The following LRRK2 variants were observed in gnomAD, a reference collection of about 807,000 sequenced individuals.
The protein encoded by LRRK2 is leucine rich repeat kinase 2.
In LRRK2, 203 loss-of-function variants were observed where a neutral mutation model predicts 302.6. The ratio of observed to expected loss-of-function variants is 0.67; its 90% CI spans 0.60 to 0.75. The LOEUF is 0.75. Ranked by LOEUF, LRRK2 falls within the 30% of genes least tolerant of loss-of-function variation. LRRK2 has a pLI of 0.00. For missense variants in LRRK2, 2,830 were observed against 2,951.0 expected, an observed-to-expected ratio of 0.96 and a Z score of 0.95; for synonymous variants, 1,066 against 1,031.9, an observed-to-expected ratio of 1.03 and a Z score of -0.63.
At chr12:40,258,119 TG>T (rs1273521338) in intron 12 of LRRK2, among the ~76,000 whole-genome samples, 5 of 152,212 alleles carry the variant, frequency 3.3e-5, no homozygotes, top group African/African-American at 1.2e-4. Context: ...CTTTGAAAGT[TG>T]TAAGCTTAGA....
intron 24 of LRRK2, among the ~76,000 whole-genome samples, chr12:40,298,816 A>AT (rs1184761747): frequency 5.4e-5 from 5 of 91,946 alleles, no homozygotes; most frequent in South Asian, 7.9e-4. Context: ...GTATTATAAT[A>AT]TATAATACAT....
chr12:40,265,294 C>T (rs11175780), intron 14 of LRRK2, among the ~76,000 whole-genome samples: 15,928 of 152,052 alleles, frequency 0.1, 1,056 homozygotes, highest in Middle Eastern at 0.13. Flanking sequence ...TCTCATAAGC[C>T]GGTTGTTGAT....
intron 39 of LRRK2, among the ~76,000 whole-genome samples, chr12:40,333,831 G>A (rs1945788255): frequency 6.6e-6 from 1 of 152,090 alleles, no homozygotes; most frequent in South Asian, 2.1e-4. Context: ...TCTAGGGAAA[G>A]GGGTCAGCAC....
At position 40,235,549 on chromosome 12, in the gene LRRK2, G is replaced by T. The variant is rs572844007; in HGVS notation, c.348-77G>T. ...ACAATGAGAGTAATAAAAAATAGGT[G>T]AGCAAAAAAAATGCAAATAAGCAAA... On this transcript the variant is annotated intron_variant, in intron 3 of 50. Transcript: ENST00000298910. The T allele has an allele frequency of 2.8e-4, 264 of 938,838 alleles. 3 individuals carry two copies. The South Asian group carries it at 3.4e-3, about 12-fold the overall frequency. The allele number at this position is 938,838 out of a possible 1,614,324, so 58.2% of individuals were successfully genotyped here. A position where few individuals can be genotyped will look rare whatever the true frequency, so the allele number is the denominator to read the frequency against.
chr12:40,295,420 A>G lies in LRRK2; in HGVS notation c.2879-7A>G. The G allele has an allele frequency of 1.2e-6, 2 of 1,610,306 alleles. No homozygotes were observed. The highest frequency in any genetic ancestry group is 1.7e-6 in the Non-Finnish European group (2 of 1,179,252). On this transcript the variant is annotated splice_region_variant and splice_polypyrimidine_tract_variant and intron_variant, in intron 22 of 50. Coordinates refer to ENST00000298910, the MANE Select transcript of LRRK2 (RefSeq NM_198578.4). Reference sequence around the variant, plus strand: ...TATTTCCATTGTTTGTTTGTTTTTGACAAAAGGGTCATCAAAACTTCAATC... The same window carrying G: ...TATTTCCATTGTTTGTTTGTTTTTGGCAAAAGGGTCATCAAAACTTCAATC...
chr12:40,246,764 C>G (rs751138395), intron 7 of LRRK2, among the ~76,000 whole-genome samples: 1 of 152,114 alleles, frequency 6.6e-6, no homozygotes, highest in African/African-American at 2.4e-5. Context: ...TGAGACCTTA[C>G]CTTGCAGAGA....
In LRRK2 at chr12:40,240,609, C is replaced by A. The variant is rs377217716; in HGVS notation, c.698C>A (p.Ala233Glu). ...LHVLHCLHSL[A>E]IPCNNVEVLM... is the part of the protein sequence containing the mutation. ...GTGCTGCATTGTTTACATTCCCTAG[C>A]GATTCCTTGTAAGTAGCATTTAAAT... The change falls in exon 6 of 51, where the codon GCG (alanine) becomes GAG (glutamate). Residue 233 changes from alanine (A) to glutamate (E), a missense_variant. Transcript: ENST00000298910. The A allele has an allele frequency of 1.2e-6, 2 of 1,612,930 alleles. No homozygotes were observed. The highest frequency in any genetic ancestry group is 2.2e-5 in the East Asian group (1 of 44,772).
intron 25 of LRRK2, among the ~76,000 whole-genome samples, chr12:40,301,509 A>G (rs1296553258): frequency 6.6e-6 from 1 of 152,076 alleles, no homozygotes; most frequent in African/African-American, 2.4e-5. Flanking sequence ...AGCATATGAA[A>G]CTCAAGACTC....
Position 40,278,168 on chromosome 12 carries a change from GT to G in LRRK2, c.2149del (p.Cys717ValfsTer28). 1 of 1,614,092 alleles carries G rather than the reference GT, an allele frequency of 6.2e-7. No homozygotes were observed. The highest frequency in any genetic ancestry group is 8.5e-7 in the Non-Finnish European group (1 of 1,179,994). On this transcript the variant is annotated frameshift_variant, in exon 18 of 51. Coordinates refer to ENST00000298910, the MANE Select transcript of LRRK2 (RefSeq NM_198578.4). LOFTEE classifies it high-confidence loss of function. ...YLKNVMLERA[C>X]DQNNSIMVEC... ...TAAAAAATGTGATGCTAGAGAGAGC[GT>G]GTGATCAGAATAACAGCATCATGGT...
chr12:40,284,097 T>C lies in LRRK2; in HGVS notation c.2464T>C (p.Phe822Leu). The C allele has an allele frequency of 1.2e-6, 2 of 1,612,432 alleles. No individual in the cohort carries two copies. Among genetic ancestry groups the C allele is most frequent in the East Asian group, 2.2e-5 (1 of 44,818 alleles). ...KVEPSWLGPL[F>L]PDKTSNLRKQ... ...TGAACCTTCTTGGCTTGGTCCTTTA[T>C]TTCCAGATAAGACTTCTAATTTAAG... Residue 822 changes from phenylalanine to leucine, a missense_variant, in exon 19 of 51, where the codon TTT (phenylalanine) becomes CTT (leucine). By Grantham distance (22) the Phe-to-Leu change is conservative. Transcript: ENST00000298910.
chr12:40,306,038 A>T (rs1592262470), intron 28 of LRRK2, 72 bp downstream of exon 28: 2 of 1,153,822 alleles, frequency 1.7e-6, no homozygotes, highest in East Asian at 5.0e-5. Flanking sequence ...ACTTTGATGG[A>T]CATATATTGT....
In LRRK2 at chr12:40,366,994, G is replaced by GT. The variant is rs748660272; in HGVS notation, c.7391-7dup. 1.5e-5 allele frequency: 24 copies of GT among 1,601,750 alleles called. 1 individual carries two copies. In the Admixed American group the frequency reaches 4.0e-4, roughly 27 times the overall value. ...TTTTAACAGAAAACTTACATATTTTGTTTTTGTAAAGGAAGCCTTAAAAAT... is the reference window on the plus strand; with the variant it reads ...TTTTAACAGAAAACTTACATATTTTGTTTTTTGTAAAGGAAGCCTTAAAAAT... On this transcript the variant is annotated splice_polypyrimidine_tract_variant and intron_variant, in intron 49 of 50. Coordinates refer to ENST00000298910, the MANE Select transcript of LRRK2 (RefSeq NM_198578.4).
chr12:40,305,776 C>T lies in LRRK2; in HGVS notation c.3778-9C>T, dbSNP rs114948984. On this transcript the variant is annotated splice_polypyrimidine_tract_variant and intron_variant, in intron 27 of 50. Transcript: ENST00000298910. ...ACCAACAGGTTTTGCCCTTTTTTTT[C>T]CCATTAAGATTCCTCCTGAGATTGG... 2.4e-3 allele frequency: 3,813 copies of T among 1,612,482 alleles called. 91 individuals carry two copies. The African/African-American group carries it at 0.046, about 19-fold the overall frequency.
At chr12:40,365,298 T>C in intron 49 of LRRK2, 1 of 429,480 alleles carries the variant, frequency 2.3e-6, no homozygotes, top group South Asian at 3.7e-5. Context: ...TCTTACTTGC[T>C]TTTTTCCTTT....
chr12:40,295,620 G>A lies in LRRK2; in HGVS notation c.3072G>A (p.Thr1024=), dbSNP rs201407012. Residue 1024 remains threonine, a synonymous_variant, in exon 23 of 51, where the codon ACG becomes ACA. Coordinates refer to ENST00000298910, the MANE Select transcript of LRRK2 (RefSeq NM_198578.4). ...EKLELHQNAL[T]SFPQQLCETL... ...TGGAGCTTCACCAGAATGCACTCAC[G>A]AGCTTTCCACAACAGCTATGTGAAG... The A allele has an allele frequency of 2.5e-6, 4 of 1,613,880 alleles. No homozygotes were observed. The highest frequency in any genetic ancestry group is 1.1e-5 in the South Asian group (1 of 91,072).
At chr12:40,285,737 G>A (rs1943899526) in intron 19 of LRRK2, among the ~76,000 whole-genome samples, 1 of 151,806 alleles carries the variant, frequency 6.6e-6, no homozygotes, top group Non-Finnish European at 1.5e-5. Flanking sequence ...GTTGTGGAAT[G>A]CTTTGCAATC....
chr12:40,301,062 C>G (rs527785918), intron 25 of LRRK2: 9 of 458,420 alleles, frequency 2.0e-5, no homozygotes, highest in African/African-American at 1.8e-4. Context: ...GTGATGCTTA[C>G]AGGTGCATAC....
chr12:40,241,765 T>G (rs962513017), intron 6 of LRRK2, among the ~76,000 whole-genome samples: 1 of 152,220 alleles, frequency 6.6e-6, no homozygotes. Context: ...AATCTGAAGG[T>G]GTGAGCCTTC....
At chr12:40,270,597 T>C (rs964517049) in intron 14 of LRRK2, among the ~76,000 whole-genome samples, 2 of 152,146 alleles carry the variant, frequency 1.3e-5, no homozygotes, top group East Asian at 1.9e-4. Context: ...CTGAATGTTT[T>C]AGTGGAGAAG....
Sources: allele counts gnomAD v4.1 joint callset (sites outside exome capture counted in the v4.1 genomes callset), GRCh38; gene constraint gnomAD v4.1.1; transcripts MANE v1.5; gene names NCBI Gene and HGNC (gene_info 2026-07-23, HGNC 2026-07-21).